The following ZEB1 variants were observed in gnomAD, a reference collection of about 807,000 sequenced individuals.
The protein encoded by ZEB1 is zinc finger E-box-binding homeobox 1.
In ZEB1, 21 loss-of-function variants were observed where a neutral mutation model predicts 84.9. That is an observed-to-expected ratio of 0.25 (90% CI 0.18 to 0.36). ZEB1 has a LOEUF of 0.36. ZEB1 is among the 10% of genes least tolerant of loss of function. The pLI is 1.00. For synonymous variants in ZEB1, 420 were observed against 471.1 expected (o/e 0.89, Z 1.41); for missense variants, 1,104 against 1,330.2 (o/e 0.83, Z 2.65).
chr10:31,488,541 C>A (rs1267997274), intron 2 of ZEB1, among the ~76,000 whole-genome samples: 1 of 148,930 alleles, frequency 6.7e-6, no homozygotes, highest in African/African-American at 2.5e-5. Context: ...AATTTTATTG[C>A]TTTTTGATTT....
chr10:31,386,394 C>A (rs886199486), intron 1 of ZEB1, among the ~76,000 whole-genome samples: 2 of 151,574 alleles, frequency 1.3e-5, no homozygotes, highest in African/African-American at 4.8e-5. Context: ...TTTTATATAA[C>A]ATATTTTCAA....
At chr10:31,451,397 C>A (rs549268860) in intron 1 of ZEB1, among the ~76,000 whole-genome samples, 5 of 152,212 alleles carry the variant, frequency 3.3e-5, no homozygotes, top group Middle Eastern at 6.8e-3. Flanking sequence ...GGCTTTTGGA[C>A]TGATATATCA....
intron 1 of ZEB1, among the ~76,000 whole-genome samples, chr10:31,346,427 A>C (rs751879019): frequency 3.9e-5 from 6 of 152,184 alleles, no homozygotes; most frequent in African/African-American, 7.2e-5. Context: ...GTGCTTACAA[A>C]TTTGAATGAA....
chr10:31,369,685 A>G (rs140914297), intron 1 of ZEB1, among the ~76,000 whole-genome samples: 5 of 152,306 alleles, frequency 3.3e-5, no homozygotes, highest in Non-Finnish European at 5.9e-5. Context: ...TCCCTTTGAC[A>G]TACTGACTCC....
chr10:31,392,317 G>A (rs1051343977), intron 1 of ZEB1, among the ~76,000 whole-genome samples: 2 of 152,082 alleles, frequency 1.3e-5, no homozygotes, highest in Non-Finnish European at 2.9e-5. Flanking sequence ...AAGAAAATAG[G>A]TGAATAATGT....
chr10:31,460,942 A>G (rs1343829935), intron 1 of ZEB1, 95 bp from the exon 2 acceptor site: 6 of 972,714 alleles, frequency 6.2e-6, no homozygotes, highest in Middle Eastern at 2.6e-4. Flanking sequence ...ATTGAATTAC[A>G]ATCTGTTTTA....
chr10:31,398,071 G>C (rs757031305), intron 1 of ZEB1, among the ~76,000 whole-genome samples: 1 of 152,130 alleles, frequency 6.6e-6, no homozygotes, highest in Admixed American at 6.5e-5. Flanking sequence ...CTACTTCAAA[G>C]AACTATGTGA....
intron 2 of ZEB1, among the ~76,000 whole-genome samples, chr10:31,492,327 A>G (rs115811658): frequency 0.016 from 2,463 of 151,978 alleles, 65 homozygotes; most frequent in African/African-American, 0.057. Flanking sequence ...TGAGATTTTA[A>G]TACTTTATTA....
chr10:31,409,423 A>G (rs952216421), intron 1 of ZEB1, among the ~76,000 whole-genome samples: 1 of 152,180 alleles, frequency 6.6e-6, no homozygotes, highest in Non-Finnish European at 1.5e-5. Flanking sequence ...GCCTTGTAGT[A>G]TAGTTTGAAG....
intron 1 of ZEB1, among the ~76,000 whole-genome samples, chr10:31,368,797 G>A (rs1038528183): frequency 2.0e-5 from 3 of 152,198 alleles, no homozygotes; most frequent in Admixed American, 6.5e-5. Flanking sequence ...AGTAGGGAGT[G>A]AAAGTGGTGG....
At chr10:31,403,483 A>G (rs1002721108) in intron 1 of ZEB1, among the ~76,000 whole-genome samples, 5 of 152,068 alleles carry the variant, frequency 3.3e-5, no homozygotes, top group Non-Finnish European at 5.9e-5. Flanking sequence ...AACATCTGAC[A>G]AAACTAAAGA....
intron 7 of ZEB1, 59 bp from the exon 8 acceptor site, chr10:31,523,874 A>G (rs770241202): frequency 2.4e-5 from 38 of 1,567,958 alleles, no homozygotes; most frequent in Non-Finnish European, 3.0e-5. Context: ...GCTTTTATGT[A>G]TATCTCTTGT....
intron 4 of ZEB1, among the ~76,000 whole-genome samples, chr10:31,509,776 CACTT>C (rs1334465511): frequency 2.6e-5 from 4 of 152,106 alleles, no homozygotes; most frequent in Admixed American, 6.5e-5. Flanking sequence ...AAAAAGATAT[CACTT>C]AATTTATTTC....
intron 1 of ZEB1, among the ~76,000 whole-genome samples, chr10:31,406,614 T>G (rs1318677224): frequency 6.6e-6 from 1 of 152,198 alleles, no homozygotes; most frequent in Non-Finnish European, 1.5e-5. Flanking sequence ...ATGGATAGGT[T>G]GCAAAAATCT....
Position 31,362,689 on chromosome 10 carries a change from A to G in ZEB1, c.58+43397A>G, listed in dbSNP as rs368056042. On this transcript the variant is annotated intron_variant, in intron 1 of 8. Transcript: ENST00000424869. ...CTCCTCACTTCCCAGATGGTGGAGC[A>G]GCAGGGCAGAGGCGCTCCTCACTTC... 9.5e-5 allele frequency: 41 copies of G among 433,200 alleles called. No individual in the cohort carries two copies. The East Asian group carries it at 1.6e-3, about 17-fold the overall frequency. The allele number at this position is 433,200 out of a possible 1,614,324, so 26.8% of individuals were successfully genotyped here.
chr10:31,489,407 A>G (rs79415926), intron 2 of ZEB1, among the ~76,000 whole-genome samples: 2 of 151,068 alleles, frequency 1.3e-5, no homozygotes, highest in African/African-American at 2.4e-5. Context: ...GATTTTTTTT[A>G]TTATTTTTGG....
intron 1 of ZEB1, among the ~76,000 whole-genome samples, chr10:31,456,158 C>A (rs1364412315): frequency 6.6e-6 from 1 of 152,152 alleles, no homozygotes; most frequent in African/African-American, 2.4e-5. Context: ...ATCACAAGAA[C>A]AGAAAACCAA....
intron 1 of ZEB1, among the ~76,000 whole-genome samples, chr10:31,360,518 T>C: frequency 6.6e-6 from 1 of 152,186 alleles, no homozygotes; most frequent in East Asian, 1.9e-4. Context: ...AGGGTCAGTA[T>C]CCCTAAAATA....
chr10:31,348,438 C>T (rs1283495654), intron 1 of ZEB1, among the ~76,000 whole-genome samples: 1 of 152,088 alleles, frequency 6.6e-6, no homozygotes, highest in Non-Finnish European at 1.5e-5. Context: ...GTGGCGGGCT[C>T]CTGTAATCCC....
Sources: allele counts gnomAD v4.1 joint callset (sites outside exome capture counted in the v4.1 genomes callset), GRCh38; gene constraint gnomAD v4.1.1; transcripts MANE v1.5; gene names NCBI Gene and HGNC (gene_info 2026-07-23, HGNC 2026-07-21).